SFSWAP: variants seen among roughly 807,000 people sequenced by gnomAD.
The protein encoded by SFSWAP is splicing factor, suppressor of white-apricot homolog.
In SFSWAP, 17 loss-of-function variants were observed where a neutral mutation model predicts 100.7. That is an observed-to-expected ratio of 0.17 (90% confidence interval 0.12 to 0.25). The LOEUF is 0.25. Ranked by LOEUF, SFSWAP falls within the 10% of genes least tolerant of loss-of-function variation. The pLI is 1.00. For missense variants in SFSWAP, 1,005 were observed against 1,262.6 expected, an observed-to-expected ratio of 0.80 and a Z score of 3.09; for synonymous variants, 504 against 510.1, an observed-to-expected ratio of 0.99 and a Z score of 0.16.
At chr12:131,760,509 T>C (rs1028662495) in intron 11 of SFSWAP, among the ~76,000 whole-genome samples, 1 of 152,198 alleles carries the variant, frequency 6.6e-6, no homozygotes, top group African/African-American at 2.4e-5. Flanking sequence ...ACAGAGGCTG[T>C]GGGCAGTAGG....
chr12:131,759,198 C>G (rs895707903), intron 11 of SFSWAP, among the ~76,000 whole-genome samples: 1 of 152,106 alleles, frequency 6.6e-6, no homozygotes, highest in Admixed American at 6.5e-5. Context: ...TGAAAAATAT[C>G]GCTTTCTAAG....
At chr12:131,732,799 G>T (rs192021961) in intron 7 of SFSWAP, among the ~76,000 whole-genome samples, 1 of 152,360 alleles carries the variant, frequency 6.6e-6, no homozygotes, top group Non-Finnish European at 1.5e-5. Context: ...ATTTTCAGAA[G>T]AGGGCTTAAA....
At chr12:131,723,424 A>G (rs1316679155) in intron 4 of SFSWAP, 3 of 152,128 alleles carry the variant, frequency 2.0e-5, no homozygotes, top group Non-Finnish European at 4.4e-5. Context: ...TTTAAAGCTT[A>G]TTTTGGAAGG....
At chr12:131,718,509 G>A (rs745349936) in intron 3 of SFSWAP, among the ~76,000 whole-genome samples, 16 of 152,166 alleles carry the variant, frequency 1.1e-4, no homozygotes, top group Non-Finnish European at 2.2e-4. Flanking sequence ...TGTGTAGTAC[G>A]TTGTCTACCA....
Position 131,714,434 on chromosome 12 carries a change from T to C in SFSWAP, c.388+194T>C, listed in dbSNP as rs1165480406. ...AGTTTATATATAGAGCCACAAAGAA[T>C]TTTCCCAGCTTTTGAGGGCAGACTG... On this transcript the variant is annotated intron_variant, in intron 2 of 17. Coordinates refer to ENST00000261674, the MANE Select transcript of SFSWAP (RefSeq NM_004592.4). The surrounding 1 kb of genome is among the most constrained non-coding windows in gnomAD (Gnocchi z 6.0). 1.9e-6 allele frequency: 1 copy of C among 536,868 alleles called. No individual in the cohort carries two copies. The highest frequency in any genetic ancestry group is 3.2e-6 in the Non-Finnish European group (1 of 310,886). 33.3% of individuals were successfully genotyped at this position (536,868 alleles called of 1,614,324 possible). A position where few individuals can be genotyped will look rare whatever the true frequency, so the allele number is the denominator to read the frequency against.
chr12:131,731,232 G>A (rs1231466917), intron 7 of SFSWAP, among the ~76,000 whole-genome samples: 4 of 152,202 alleles, frequency 2.6e-5, no homozygotes, highest in Non-Finnish European at 5.9e-5. Flanking sequence ...GTGGCGTTAC[G>A]TCGGGTCCTC....
At chr12:131,740,200 T>C (rs753652600) in intron 7 of SFSWAP, among the ~76,000 whole-genome samples, 40 of 152,196 alleles carry the variant, frequency 2.6e-4, no homozygotes, top group Non-Finnish European at 4.6e-4. Context: ...CTTTCATTGC[T>C]CCTATGCTGC....
chr12:131,798,905 G>A, intron 16 of SFSWAP, 132 bp from the exon 17 acceptor site: 2 of 622,780 alleles, frequency 3.2e-6, no homozygotes, highest in South Asian at 2.0e-5. Context: ...AAAAAAAAAA[G>A]ATACTGGAAG....
intron 7 of SFSWAP, among the ~76,000 whole-genome samples, chr12:131,750,796 A>G (rs1042391531): frequency 2.0e-5 from 3 of 152,186 alleles, no homozygotes; most frequent in African/African-American, 7.2e-5. Context: ...GGCTCAAGCC[A>G]TCCTCCTGCC....
At chr12:131,756,219 G>T (rs1307089674) in intron 10 of SFSWAP, among the ~76,000 whole-genome samples, 1 of 152,192 alleles carries the variant, frequency 6.6e-6, no homozygotes, top group African/African-American at 2.4e-5. Context: ...CTGAAAATTG[G>T]TTCCCAAGGC....
rs1883114112 is a variant in SFSWAP at position 131,766,324 on chromosome 12, A to T, written c.2142+16A>T. 8 of 1,610,370 alleles carry T rather than the reference A, an allele frequency of 5.0e-6. No homozygotes were observed. The highest frequency in any genetic ancestry group is 6.8e-6 in the Non-Finnish European group (8 of 1,177,488). ...CAGTGTCGAGGTATAGTAAAATCCC[A>T]CATTGGTATCTGCGGGGCTGTGTGA... is the stretch of plus-strand genomic sequence containing the variant. On this transcript the variant is annotated intron_variant, in intron 13 of 17. Transcript: ENST00000261674.
chr12:131,740,922 T>C (rs1365811442), intron 7 of SFSWAP, among the ~76,000 whole-genome samples: 1 of 151,892 alleles, frequency 6.6e-6, no homozygotes, highest in Non-Finnish European at 1.5e-5. Context: ...TAAAGCTTAA[T>C]TGATGGATAC....
intron 7 of SFSWAP, among the ~76,000 whole-genome samples, chr12:131,738,532 A>G (rs1359463131): frequency 6.6e-6 from 1 of 152,260 alleles, no homozygotes; most frequent in African/African-American, 2.4e-5. Flanking sequence ...AAGAGCCTGC[A>G]ATCTAAAAAT....
chr12:131,738,882 A>ATTTT (rs1555243205), intron 7 of SFSWAP, among the ~76,000 whole-genome samples: 2 of 40,182 alleles, frequency 5.0e-5, no homozygotes, highest in East Asian at 9.7e-4. Context: ...AATGAACATT[A>ATTTT]TTCTTTTTTT....
At chr12:131,741,225 C>CA (rs1880596443) in intron 7 of SFSWAP, among the ~76,000 whole-genome samples, 1 of 152,220 alleles carries the variant, frequency 6.6e-6, no homozygotes, top group East Asian at 1.9e-4. Flanking sequence ...CTCGGCCCCT[C>CA]AAAGTGCTGG....
In SFSWAP at chr12:131,753,188, C is replaced by A; in HGVS notation, c.1147C>A (p.Pro383Thr). The change falls in exon 8 of 18, where the codon CCC becomes ACC. Residue 383 changes from proline (P) to threonine (T), a missense_variant. By Grantham distance (38) the Pro-to-Thr change is conservative (BLOSUM62 -1). This residue lies in a region of SFSWAP where 311 missense variants were observed against 317.8 expected (regional missense o/e 0.98). Coordinates refer to ENST00000261674, the MANE Select transcript of SFSWAP (RefSeq NM_004592.4). ...GGACGGCACTTACTGCCTGGCGCCG[C>A]CCCCTCCCGGAATCGACGTGACTAC... ...LPDGTYCLAP[P>T]PPGIDVTTYY... 2 of 1,614,172 alleles carry A rather than the reference C, an allele frequency of 1.2e-6. No homozygotes were observed. Among genetic ancestry groups the A allele is most frequent in the Non-Finnish European group, 1.7e-6 (2 of 1,179,990 alleles).
At chr12:131,763,815 AT>A (rs1167177550) in intron 11 of SFSWAP, among the ~76,000 whole-genome samples, 818 of 143,748 alleles carry the variant, frequency 5.7e-3, no homozygotes, top group Non-Finnish European at 6.1e-3. Flanking sequence ...TGAGCCATGA[AT>A]TTTTTTTTTT....
chr12:131,736,428 T>C (rs1448304789), intron 7 of SFSWAP, among the ~76,000 whole-genome samples: 1 of 152,194 alleles, frequency 6.6e-6, no homozygotes, highest in Non-Finnish European at 1.5e-5. Context: ...AAAAAGCCTG[T>C]ATGTCTAAAC....
chr12:131,760,418 T>C (rs953190750), intron 11 of SFSWAP, among the ~76,000 whole-genome samples: 2 of 152,210 alleles, frequency 1.3e-5, no homozygotes, highest in Non-Finnish European at 2.9e-5. Flanking sequence ...CTAGTAAATA[T>C]ATTTTTTCAA....
Sources: gnomAD v4.1 joint callset for allele counts (sites outside exome capture counted in the v4.1 genomes callset) on GRCh38, gnomAD v4.1.1 for gene constraint, gnomAD v4.1.1 regional missense constraint, Gnocchi (gnomAD v3.1) non-coding constraint, MANE v1.5 for transcripts, NCBI Gene and HGNC (gene_info 2026-07-23, HGNC 2026-07-21) for gene names.